Variants in CSTF3 observed in about 807,000 individuals in gnomAD.
The protein encoded by CSTF3 is CF-1 77 kDa subunit.
Under a neutral mutation model 105.8 loss-of-function variants are expected in CSTF3, and 29 were observed. That is an observed-to-expected ratio of 0.27 (90% CI 0.20 to 0.37). The LOEUF (loss-of-function observed/expected upper bound fraction) is 0.37, where lower values mean the gene tolerates loss of function less well. Among genes scored for constraint, CSTF3 ranks in the 10% least tolerant of loss-of-function variants. CSTF3 has a pLI of 1.00. For missense variants in CSTF3, 357 were observed against 879.3 expected (o/e 0.41, Z 7.51); for synonymous variants, 252 against 281.9 (o/e 0.89, Z 1.06).
Position 33,113,608 on chromosome 11 carries a change from A to C in CSTF3, c.226-5190T>G, listed in dbSNP as rs1265244019. ...ATACAATTACATTACCTTTTTAATG[A>C]ATTATCCAAATTTTACAAAGATATG... On this transcript the variant is annotated intron_variant, in intron 3 of 20. Transcript: ENST00000323959. Among the ~76,000 whole-genome samples the C allele has an allele frequency of 1.3e-5, 2 of 152,244 alleles. 1 individual carries two copies. The highest frequency in any genetic ancestry group is 3.8e-4 in the East Asian group (2 of 5,204).
At chr11:33,113,465 A>G (rs1855400684) in intron 3 of CSTF3, among the ~76,000 whole-genome samples, 1 of 152,002 alleles carries the variant, frequency 6.6e-6, no homozygotes, top group Non-Finnish European at 1.5e-5. Context: ...GCAGTGTGCT[A>G]TGATCACACC....
At chr11:33,140,082 T>C (rs1855694747) in intron 3 of CSTF3, among the ~76,000 whole-genome samples, 1 of 152,060 alleles carries the variant, frequency 6.6e-6, no homozygotes, top group Admixed American at 6.6e-5. Context: ...AAAGTTCTAC[T>C]TCACTATACA....
chr11:33,105,438 T>C (rs755433508), intron 8 of CSTF3, 129 bp downstream of exon 8: 4 of 883,736 alleles, frequency 4.5e-6, no homozygotes, highest in Non-Finnish European at 6.8e-6. Flanking sequence ...AAAAACATTA[T>C]AGTGCTTTCA....
At chr11:33,106,101 TTTG>T in intron 5 of CSTF3, 37 bp from the exon 6 acceptor site, 1 of 1,543,192 alleles carries the variant, frequency 6.5e-7, no homozygotes. Flanking sequence ...TTTAAATTTT[TTTG>T]TTATTAAAAT....
intron 10 of CSTF3, among the ~76,000 whole-genome samples, chr11:33,101,804 G>A (rs958797438): frequency 3.3e-5 from 5 of 151,946 alleles, no homozygotes; most frequent in African/African-American, 1.2e-4. Context: ...GGCAGATGAG[G>A]ACTTTATAAC....
intron 3 of CSTF3, among the ~76,000 whole-genome samples, chr11:33,110,145 T>A (rs1013720461): frequency 1.2e-4 from 18 of 152,198 alleles, no homozygotes; most frequent in South Asian, 4.1e-4. Flanking sequence ...GGTTGGTGGA[T>A]CCTTCAGATG....
intron 3 of CSTF3, among the ~76,000 whole-genome samples, chr11:33,136,701 A>G (rs557432810): frequency 1.5e-4 from 23 of 152,044 alleles, no homozygotes; most frequent in Admixed American, 4.6e-4. Context: ...TTTATTTCCA[A>G]ATATGGAGGT....
At chr11:33,136,349 G>C (rs1855652852) in intron 3 of CSTF3, 2 of 151,852 alleles carry the variant, frequency 1.3e-5, no homozygotes, top group South Asian at 4.1e-4. Flanking sequence ...TAAAAATTCA[G>C]TAAAATTAAA....
intron 5 of CSTF3, among the ~76,000 whole-genome samples, chr11:33,107,636 C>CAAT (rs386373521): frequency 6.6e-6 from 1 of 151,964 alleles, no homozygotes; most frequent in Non-Finnish European, 1.5e-5. Context: ...AAAAATTTGA[C>CAAT]AAGTCTGTCA....
chr11:33,144,399 A>C (rs964625431), intron 1 of CSTF3, among the ~76,000 whole-genome samples: 1 of 152,258 alleles, frequency 6.6e-6, no homozygotes, highest in Non-Finnish European at 1.5e-5. Context: ...CTAAAGCTGT[A>C]AAGTTTATAA....
At chr11:33,096,190 C>T in intron 15 of CSTF3, 116 bp downstream of exon 15, 1 of 634,620 alleles carries the variant, frequency 1.6e-6, no homozygotes, top group Non-Finnish European at 2.6e-6. Context: ...GAGTGCCTAA[C>T]AAGTGCCTGT....
chr11:33,159,974 A>C lies in CSTF3; in HGVS notation c.27+1325T>G, dbSNP rs531677282. 6.7e-4 allele frequency among the ~76,000 whole-genome samples: 102 copies of C among 152,210 alleles called. 1 individual carries two copies. The highest frequency in any genetic ancestry group is 2.6e-3 in the Admixed American group (40 of 15,282). ...GTCCCACTGAAACACCACAGTTCTA[A>C]AACATTCAAGAGGTCATGGTAACAT... is the stretch of plus-strand genomic sequence containing the variant. On this transcript the variant is annotated intron_variant, in intron 1 of 20. Transcript: ENST00000323959.
At chr11:33,104,615 T>C (rs1418811385) in intron 8 of CSTF3, among the ~76,000 whole-genome samples, 1 of 151,972 alleles carries the variant, frequency 6.6e-6, no homozygotes, top group East Asian at 1.9e-4. Flanking sequence ...CTACAAAAAA[T>C]TAGCTTGAGA....
At chr11:33,110,651 CAGAAA>C (rs1454963396) in intron 3 of CSTF3, among the ~76,000 whole-genome samples, 1 of 152,064 alleles carries the variant, frequency 6.6e-6, no homozygotes, top group Non-Finnish European at 1.5e-5. Flanking sequence ...AGTTAATTCC[CAGAAA>C]AGAAAATTTA....
intron 5 of CSTF3, among the ~76,000 whole-genome samples, chr11:33,107,056 A>G (rs1029527704): frequency 6.6e-6 from 1 of 152,118 alleles, no homozygotes; most frequent in African/African-American, 2.4e-5. Context: ...GAATTGCTTG[A>G]GCTCAGTAGT....
chr11:33,121,201 A>T (rs915126996), intron 3 of CSTF3, among the ~76,000 whole-genome samples: 2 of 152,244 alleles, frequency 1.3e-5, no homozygotes, highest in East Asian at 3.9e-4. Context: ...AGAAAAACAA[A>T]GAAAAAATTC....
At chr11:33,136,612 T>C (rs181705285) in intron 3 of CSTF3, among the ~76,000 whole-genome samples, 4 of 152,048 alleles carry the variant, frequency 2.6e-5, no homozygotes, top group Admixed American at 1.3e-4. Flanking sequence ...GGAAAGTCAA[T>C]TGCCACCTGA....
intron 3 of CSTF3, among the ~76,000 whole-genome samples, chr11:33,119,276 T>C (rs1412881625): frequency 1.3e-5 from 2 of 151,872 alleles, no homozygotes; most frequent in Admixed American, 6.6e-5. Context: ...CCCATTTTGA[T>C]AGAGATTCCT....
At chr11:33,102,946 G>A (rs919411537) in intron 9 of CSTF3, among the ~76,000 whole-genome samples, 161 bp downstream of exon 9, 7 of 152,188 alleles carry the variant, frequency 4.6e-5, no homozygotes, top group Non-Finnish European at 1.0e-4. Context: ...CTTACAAAGA[G>A]AGATTTCATT....
Sources: gnomAD v4.1 joint callset for allele counts (sites outside exome capture counted in the v4.1 genomes callset) on GRCh38, gnomAD v4.1.1 for gene constraint, MANE v1.5 for transcripts, NCBI Gene and HGNC (gene_info 2026-07-23, HGNC 2026-07-21) for gene names.